The following TMED3 variants were observed in gnomAD, a reference collection of about 807,000 sequenced individuals.
The protein encoded by TMED3 is transmembrane p24 trafficking protein 3.
In TMED3, 9 loss-of-function variants were observed where a neutral mutation model predicts 15.0. The observed-to-expected ratio is 0.60, with a 90% CI of 0.36 to 1.04. The LOEUF (loss-of-function observed/expected upper bound fraction) is 1.04. Among genes scored for constraint, TMED3 ranks in the 50% least tolerant of loss-of-function variants. TMED3 has a pLI of 0.01. For synonymous variants in TMED3, 117 were observed against 121.4 expected (o/e 0.96, Z 0.24); for missense variants, 267 against 278.9 (o/e 0.96, Z 0.30).
chr15:79,392,415 G>C (rs1160352864), intron 2 of TMED3, among the ~76,000 whole-genome samples: 2 of 152,094 alleles, frequency 1.3e-5, no homozygotes, highest in Non-Finnish European at 2.9e-5. Context: ...TTTGTTTCAA[G>C]AGGCTGAGGA....
intron 2 of TMED3, among the ~76,000 whole-genome samples, chr15:79,354,843 C>G (rs972907948): frequency 6.6e-5 from 10 of 152,234 alleles, no homozygotes; most frequent in Admixed American, 4.6e-4. Context: ...GCTCTGCCCC[C>G]CCATTCCGTT....
chr15:79,356,694 C>T (rs995293382), intron 2 of TMED3, among the ~76,000 whole-genome samples: 2 of 152,168 alleles, frequency 1.3e-5, no homozygotes, highest in Non-Finnish European at 2.9e-5. Context: ...CAGAGCAGCT[C>T]ACTCTAAAAA....
chr15:79,410,294 C>G (rs934042896), intron 2 of TMED3, among the ~76,000 whole-genome samples: 9 of 152,034 alleles, frequency 5.9e-5, no homozygotes, highest in African/African-American at 2.2e-4. Context: ...ACAAAGCAAC[C>G]CATTCTAATT....
At chr15:79,411,838 C>G in exon 3 of TMED3, 1 of 259,642 alleles carries the variant, frequency 3.9e-6, no homozygotes, top group South Asian at 6.4e-5. Context: ...TAGCCAGGGA[C>G]AGCCATCCCT....
intron 2 of TMED3, among the ~76,000 whole-genome samples, chr15:79,343,641 GT>G (rs35970979): frequency 0.14 from 21,349 of 152,168 alleles, 1,503 homozygotes; most frequent in Middle Eastern, 0.2. Context: ...AGGGGTAAGA[GT>G]GGATGCAGGG....
At chr15:79,355,105 AT>A (rs1730242715) in intron 2 of TMED3, among the ~76,000 whole-genome samples, 1 of 152,132 alleles carries the variant, frequency 6.6e-6, no homozygotes, top group East Asian at 1.9e-4. Flanking sequence ...TCCTCTTAAT[AT>A]CCCATTATTG....
At chr15:79,317,250 A>C (rs976738532) in intron 2 of TMED3, among the ~76,000 whole-genome samples, 2 of 152,182 alleles carry the variant, frequency 1.3e-5, no homozygotes, top group Non-Finnish European at 2.9e-5. Flanking sequence ...CGCTGGATCT[A>C]GGCCTTTAAA....
intron 2 of TMED3, among the ~76,000 whole-genome samples, chr15:79,341,873 G>T (rs949912720): frequency 6.6e-6 from 1 of 152,152 alleles, no homozygotes; most frequent in African/African-American, 2.4e-5. Flanking sequence ...CGCTTACTGG[G>T]TAGAGTCCAG....
chr15:79,386,131 G>A (rs1046288873), intron 2 of TMED3, among the ~76,000 whole-genome samples: 1 of 152,174 alleles, frequency 6.6e-6, no homozygotes, highest in Non-Finnish European at 1.5e-5. Flanking sequence ...AGGGCTGGGG[G>A]CTGGAGGGAG....
At chr15:79,399,404 G>T (rs186958083) in intron 2 of TMED3, among the ~76,000 whole-genome samples, 1 of 152,174 alleles carries the variant, frequency 6.6e-6, no homozygotes, top group African/African-American at 2.4e-5. Flanking sequence ...ATCCTGGGAC[G>T]AGTTGATCAT....
At chr15:79,350,272 A>G (rs1189034648) in intron 2 of TMED3, among the ~76,000 whole-genome samples, 3 of 152,186 alleles carry the variant, frequency 2.0e-5, no homozygotes, top group African/African-American at 4.8e-5. Context: ...ATATATGTAT[A>G]TATGAAAGCG....
intron 2 of TMED3, among the ~76,000 whole-genome samples, chr15:79,353,921 T>C (rs1317554961): frequency 6.6e-6 from 1 of 152,168 alleles, no homozygotes; most frequent in Non-Finnish European, 1.5e-5. Flanking sequence ...TGACCCCAGC[T>C]TCCCCTAGAA....
At chr15:79,325,837 G>GATGAAAGCCGGAAGACTCAGC (rs1451555775), downstream of TMED3, among the ~76,000 whole-genome samples, 27 of 152,328 alleles carry the variant, frequency 1.8e-4, no homozygotes, top group Non-Finnish European at 1.8e-4. Flanking sequence ...ACGGGAGAAA[G>GATGAAAGCCGGAAGACTCAGC]ATGAAAGCCG....
chr15:79,349,306 G>T (rs764503536), intron 2 of TMED3, among the ~76,000 whole-genome samples: 4 of 151,988 alleles, frequency 2.6e-5, no homozygotes, highest in East Asian at 3.9e-4. Context: ...ACATCATATG[G>T]TGCATGATAA....
chr15:79,359,581 C>T lies in TMED3; in HGVS notation c.417+45576C>T, dbSNP rs377525255. Among the ~76,000 whole-genome samples, 4 of 152,112 alleles carry T rather than the reference C, an allele frequency of 2.6e-5. No individual in the cohort carries two copies. In the South Asian group the frequency reaches 6.2e-4, roughly 24 times the overall value. On this transcript the variant is annotated intron_variant, in intron 2 of 2. Transcript: ENST00000424155. ...AAAAATCAGCTGAGAGGTGAGTCTC[C>T]CTGTCCAGGGCATGACCTTTTTAAG...
At chr15:79,391,470 A>G (rs1461100099) in intron 2 of TMED3, among the ~76,000 whole-genome samples, 1 of 152,140 alleles carries the variant, frequency 6.6e-6, no homozygotes, top group African/African-American at 2.4e-5. Context: ...AAATTTATTG[A>G]GGCTCGTTTT....
chr15:79,323,291 C>T (rs1049667948), downstream of TMED3, among the ~76,000 whole-genome samples: 6 of 152,100 alleles, frequency 3.9e-5, no homozygotes, highest in African/African-American at 9.7e-5. Flanking sequence ...ACAGTGTCTC[C>T]GCTGAAGGAA....
At chr15:79,411,396 G>T (rs767575812) in intron 2 of TMED3, 79 of 702,310 alleles carry the variant, frequency 1.1e-4, no homozygotes, top group Non-Finnish European at 1.9e-4. Flanking sequence ...TTTGAACAAT[G>T]AAGAGATTCA....
At chr15:79,388,461 G>A (rs1052233088) in intron 2 of TMED3, among the ~76,000 whole-genome samples, 8 of 150,712 alleles carry the variant, frequency 5.3e-5, no homozygotes, top group African/African-American at 2.0e-4. Flanking sequence ...ATTCAATTTT[G>A]TATATACATA....
Sources: allele counts gnomAD v4.1 joint callset (sites outside exome capture counted in the v4.1 genomes callset), GRCh38; gene constraint gnomAD v4.1.1; transcripts MANE v1.5; gene names NCBI Gene and HGNC (gene_info 2026-07-23, HGNC 2026-07-21).